Variants in CNTN5 observed in about 807,000 individuals in gnomAD.
CNTN5 encodes contactin-5.
Under a neutral mutation model 129.1 loss-of-function variants are expected in CNTN5, and 77 were observed. The ratio of observed to expected loss-of-function variants is 0.60; its 90% CI spans 0.50 to 0.72. The LOEUF (loss-of-function observed/expected upper bound fraction) is 0.72, where lower values mean the gene tolerates loss of function less well. CNTN5 is among the 30% of genes least tolerant of loss of function. CNTN5 has a pLI of 0.00. For missense variants in CNTN5, 1,478 were observed against 1,328.8 expected, an observed-to-expected ratio of 1.11 and a Z score of -1.75; for synonymous variants, 509 against 465.6, an observed-to-expected ratio of 1.09 and a Z score of -1.20.
At chr11:100,297,317 G>A (rs917844071) in intron 18 of CNTN5, among the ~76,000 whole-genome samples, 3 of 151,302 alleles carry the variant, frequency 2.0e-5, no homozygotes, top group Non-Finnish European at 4.4e-5. Flanking sequence ...ATAACAGTGA[G>A]CAATTTTAAG....
chr11:99,891,582 T>C (rs1432656116), intron 6 of CNTN5, among the ~76,000 whole-genome samples: 4 of 152,038 alleles, frequency 2.6e-5, no homozygotes, highest in Non-Finnish European at 4.4e-5. Context: ...CAGGCAGTGT[T>C]TGGTTTTCTG....
intron 3 of CNTN5, among the ~76,000 whole-genome samples, chr11:99,727,230 C>CG (rs1174072866): frequency 1.4e-5 from 2 of 140,026 alleles, no homozygotes; most frequent in Admixed American, 7.5e-5. Context: ...GGCGTGAACC[C>CG]GGGAAGCGGA....
At chr11:99,639,559 G>GGTTTT (rs1478048866) in intron 3 of CNTN5, among the ~76,000 whole-genome samples, 18 of 70,326 alleles carry the variant, frequency 2.6e-4, no homozygotes, top group Non-Finnish European at 4.0e-4. Context: ...TCACCTTTAT[G>GGTTTT]TTTTTTTTTT....
chr11:99,553,977 C>CACACACACACACACACAT (rs1555025610), intron 2 of CNTN5, among the ~76,000 whole-genome samples: 21 of 124,568 alleles, frequency 1.7e-4, no homozygotes, highest in East Asian at 1.1e-3. Context: ...CACACACACA[C>CACACACACACACACACAT]ACACACACAC....
At chr11:100,107,723 G>GTT (rs1222198292) in intron 13 of CNTN5, among the ~76,000 whole-genome samples, 3 of 151,806 alleles carry the variant, frequency 2.0e-5, no homozygotes, top group African/African-American at 7.3e-5. Context: ...TCAATAAATT[G>GTT]TTATGAAAAA....
At chr11:99,542,927 G>A (rs1948164230) in intron 2 of CNTN5, among the ~76,000 whole-genome samples, 1 of 152,226 alleles carries the variant, frequency 6.6e-6, no homozygotes, top group African/African-American at 2.4e-5. Flanking sequence ...TTTTTCCTTG[G>A]AAGGAACTTA....
At chr11:99,871,511 A>G (rs80292336) in intron 6 of CNTN5, among the ~76,000 whole-genome samples, 2,145 of 152,160 alleles carry the variant, frequency 0.014, 54 homozygotes, top group African/African-American at 0.047. Flanking sequence ...GATCATGATG[A>G]TAACAAACAC....
intron 9 of CNTN5, among the ~76,000 whole-genome samples, chr11:100,040,972 G>A (rs573556388): frequency 2.0e-5 from 3 of 152,278 alleles, no homozygotes; most frequent in African/African-American, 2.4e-5. Context: ...ACGGTGCACT[G>A]CACCCACTGT....
intron 3 of CNTN5, among the ~76,000 whole-genome samples, chr11:99,675,676 ACT>A (rs1048096054): frequency 1.3e-5 from 2 of 151,996 alleles, no homozygotes; most frequent in Admixed American, 1.3e-4. Flanking sequence ...ACAGAGCAAA[ACT>A]CTGTCTCAAA....
At chr11:99,674,159 G>A (rs1953169684) in intron 3 of CNTN5, among the ~76,000 whole-genome samples, 1 of 152,144 alleles carries the variant, frequency 6.6e-6, no homozygotes, top group South Asian at 2.1e-4. Context: ...TCTAACTGAT[G>A]TGAGATGGCA....
chr11:99,778,778 G>C (rs1300490786), intron 3 of CNTN5, among the ~76,000 whole-genome samples: 1 of 151,714 alleles, frequency 6.6e-6, no homozygotes, highest in Non-Finnish European at 1.5e-5. Context: ...GAAATAAAAA[G>C]TGAGTTCAAA....
At chr11:99,532,259 A>G (rs1329590266) in intron 2 of CNTN5, among the ~76,000 whole-genome samples, 3 of 152,022 alleles carry the variant, frequency 2.0e-5, no homozygotes, top group African/African-American at 7.2e-5. Flanking sequence ...GGGCCCTGTA[A>G]ACCCTTTGTT....
intron 1 of CNTN5, among the ~76,000 whole-genome samples, chr11:99,227,448 G>A (rs971958564): frequency 4.0e-5 from 6 of 151,818 alleles, no homozygotes; most frequent in Non-Finnish European, 7.4e-5. Flanking sequence ...AGGAAATTAT[G>A]TTAGAAACAA....
chr11:99,029,384 T>G (rs1049281886), intron 1 of CNTN5, among the ~76,000 whole-genome samples: 8 of 152,074 alleles, frequency 5.3e-5, no homozygotes, highest in Non-Finnish European at 8.8e-5. Flanking sequence ...TGATACCATA[T>G]GCTTTTGGGG....
At chr11:99,448,632 C>T (rs908201117) in intron 2 of CNTN5, among the ~76,000 whole-genome samples, 1 of 151,580 alleles carries the variant, frequency 6.6e-6, no homozygotes, top group African/African-American at 2.4e-5. Flanking sequence ...AAATTCTGCA[C>T]CTGAAAATGC....
chr11:99,650,697 A>T (rs1952122427), intron 3 of CNTN5, among the ~76,000 whole-genome samples: 1 of 151,912 alleles, frequency 6.6e-6, no homozygotes, highest in African/African-American at 2.4e-5. Flanking sequence ...CTCTTGTGTG[A>T]TCCTTCTACT....
intron 6 of CNTN5, among the ~76,000 whole-genome samples, chr11:99,912,742 G>A (rs1949694504): frequency 6.6e-6 from 1 of 151,106 alleles, no homozygotes; most frequent in Non-Finnish European, 1.5e-5. Flanking sequence ...CCCTGTGTGA[G>A]CTTCTTAACT....
At chr11:99,091,911 A>G (rs1414800205) in intron 1 of CNTN5, among the ~76,000 whole-genome samples, 1 of 152,202 alleles carries the variant, frequency 6.6e-6, no homozygotes, top group East Asian at 1.9e-4. Flanking sequence ...TACATACCTA[A>G]ATCTCCATTT....
intron 3 of CNTN5, among the ~76,000 whole-genome samples, chr11:99,675,635 A>G (rs751087107): frequency 6.6e-6 from 1 of 152,114 alleles, no homozygotes; most frequent in Non-Finnish European, 1.5e-5. Context: ...CAGTGAGCTG[A>G]GATTGTGCCC....
Sources: gnomAD v4.1 joint callset for allele counts (sites outside exome capture counted in the v4.1 genomes callset) on GRCh38, gnomAD v4.1.1 for gene constraint, MANE v1.5 for transcripts, NCBI Gene and HGNC (gene_info 2026-07-23, HGNC 2026-07-21) for gene names.